The following RGMA variants were observed in gnomAD, a reference collection of about 807,000 sequenced individuals.
RGMA encodes repulsive guidance molecule A.
RGMA carries 10 observed loss-of-function variants against 23.2 expected under a neutral mutation model. That is an observed-to-expected ratio of 0.43 (90% CI 0.27 to 0.73). The LOEUF is 0.73. Ranked by LOEUF, RGMA falls within the 30% of genes least tolerant of loss-of-function variation. The pLI, the probability that RGMA is intolerant of heterozygous loss-of-function variation, is 0.20. For synonymous variants in RGMA, 308 were observed against 279.3 expected (o/e 1.10, Z -1.03); for missense variants, 547 against 630.5 (o/e 0.87, Z 1.42).
intron 1 of RGMA, among the ~76,000 whole-genome samples, chr15:93,088,041 T>C (rs1895668469): frequency 6.6e-6 from 1 of 152,094 alleles, no homozygotes; most frequent in Non-Finnish European, 1.5e-5. Context: ...CTACTTCCCC[T>C]ACTCCGCCCG....
At chr15:93,048,562 C>G (rs1006746677) in intron 3 of RGMA, among the ~76,000 whole-genome samples, 8 of 152,154 alleles carry the variant, frequency 5.3e-5, no homozygotes, top group African/African-American at 1.9e-4. Context: ...GGGTCCCAGC[C>G]TGGCCGCAGG....
intron 1 of RGMA, among the ~76,000 whole-genome samples, chr15:93,079,588 G>A (rs1055989675): frequency 2.0e-5 from 3 of 152,210 alleles, no homozygotes; most frequent in African/African-American, 7.2e-5. Flanking sequence ...GGGAGGCCGA[G>A]GCGGGCCGAT....
In RGMA at chr15:93,072,941, G is replaced by A. The variant is rs1895380262; in HGVS notation, c.105C>T (p.Ala35=). 1.9e-6 allele frequency: 3 copies of A among 1,608,952 alleles called. No individual in the cohort carries two copies. The highest frequency in any genetic ancestry group is 1.1e-5 in the South Asian group (1 of 89,780). The change falls in exon 2 of 4, where the codon GCC becomes GCT. Residue 35 remains alanine, a synonymous_variant. Transcript: ENST00000329082. ...RSALGFWPTL[A]FLLCSFPAAT... is the part of the protein sequence containing the mutation. ...CTGCGGGGAAGCTGCAGAGAAGGAA[G>A]GCGAGGGTCGGCCAGAATCCCAGGG...
chr15:93,081,336 G>A (rs1281217282), intron 1 of RGMA, among the ~76,000 whole-genome samples: 1 of 152,148 alleles, frequency 6.6e-6, no homozygotes, highest in Non-Finnish European at 1.5e-5. Flanking sequence ...CAGTCCCCAA[G>A]TTAAAATGTG....
At chr15:93,052,536 G>A (rs778250505) in intron 2 of RGMA, 29 bp from the exon 3 acceptor site, 21 of 1,529,922 alleles carry the variant, frequency 1.4e-5, no homozygotes, top group African/African-American at 5.4e-5. Flanking sequence ...ACACACCGTC[G>A]GGGTGCAGCC....
At position 93,044,647 on chromosome 15, in the gene RGMA, G is replaced by A; in HGVS notation, c.*351C>T. ...AGTCGGCCGGGCCTTTCAGTGCATT[G>A]CGAGGGGGAAGGAGCTGACTCTGAC... On this transcript the variant is annotated 3_prime_UTR_variant, in exon 4 of 4. Coordinates refer to ENST00000329082, the MANE Select transcript of RGMA (RefSeq NM_020211.3). The A allele has an allele frequency of 8.8e-6, 3 of 340,828 alleles. No individual in the cohort carries two copies. In the South Asian group the frequency reaches 1.3e-4, roughly 14 times the overall value. The allele number at this position is 340,828 out of a possible 1,614,324, so 21.1% of individuals were successfully genotyped here.
chr15:93,047,165 G>A (rs1325382287), intron 3 of RGMA, among the ~76,000 whole-genome samples: 1 of 152,050 alleles, frequency 6.6e-6, no homozygotes, highest in Non-Finnish European at 1.5e-5. Flanking sequence ...GGAGGCCTGA[G>A]AGGAGGAGGG....
intron 1 of RGMA, among the ~76,000 whole-genome samples, chr15:93,080,490 C>T (rs925298704): frequency 6.6e-6 from 1 of 152,216 alleles, no homozygotes; most frequent in South Asian, 2.1e-4. Context: ...GTTTGGGCAG[C>T]TCTGGGTGAC....
chr15:93,065,951 A>AG (rs1895131507), intron 2 of RGMA: 1 of 834,538 alleles, frequency 1.2e-6, no homozygotes, highest in African/African-American at 1.7e-5. Flanking sequence ...CGGTAGAAGA[A>AG]GGGTGGGGGG....
chr15:93,085,874 C>T (rs893718241), intron 1 of RGMA, among the ~76,000 whole-genome samples: 1 of 152,190 alleles, frequency 6.6e-6, no homozygotes, highest in African/African-American at 2.4e-5. Flanking sequence ...CAATAGAGTT[C>T]ATTTGTTCAT....
At chr15:93,058,286 T>C (rs1007278142) in intron 2 of RGMA, among the ~76,000 whole-genome samples, 1 of 152,096 alleles carries the variant, frequency 6.6e-6, no homozygotes, top group Non-Finnish European at 1.5e-5. Flanking sequence ...CTTACTGTGG[T>C]GGGGCAGAGC....
intron 1 of RGMA, chr15:93,073,698 G>A: frequency 6.5e-7 from 1 of 1,537,248 alleles, no homozygotes; most frequent in South Asian, 1.2e-5. Context: ...ATGGCTCTCT[G>A]CATCTCAGCT....
In RGMA at chr15:93,072,707, C is replaced by G. The variant is rs187707900; in HGVS notation, c.130+209G>C. Among the ~76,000 whole-genome samples, 8 of 152,306 alleles carry G rather than the reference C, an allele frequency of 5.3e-5. No homozygotes were observed. In the South Asian group the frequency reaches 1.4e-3, roughly 28 times the overall value. On this transcript the variant is annotated intron_variant, in intron 2 of 3. Coordinates refer to ENST00000329082, the MANE Select transcript of RGMA (RefSeq NM_020211.3). Reference sequence around the variant, plus strand: ...CCCACACGGCTCCATCTCACGGCAACTCGGGCAGGGTGCCCCTCTCCGGGT... The same window carrying G: ...CCCACACGGCTCCATCTCACGGCAAGTCGGGCAGGGTGCCCCTCTCCGGGT...
intron 2 of RGMA, among the ~76,000 whole-genome samples, chr15:93,063,767 G>A (rs947987790): frequency 6.6e-6 from 1 of 152,118 alleles, no homozygotes; most frequent in East Asian, 1.9e-4. Flanking sequence ...AAATTTTCTA[G>A]GAGGTTTTCT....
chr15:93,062,370 T>C (rs2293598), intron 2 of RGMA, among the ~76,000 whole-genome samples: 97,072 of 152,110 alleles, frequency 0.64, 31,228 homozygotes, highest in East Asian at 0.85. Flanking sequence ...GGTTTAAGAA[T>C]GGAAGTACGA....
intron 2 of RGMA, 51 bp from the exon 3 acceptor site, chr15:93,052,558 G>A (rs914209850): frequency 1.2e-5 from 18 of 1,494,642 alleles, no homozygotes; most frequent in Non-Finnish European, 1.5e-5. Flanking sequence ...GGCAACCCCA[G>A]CTTCTGCTAC....
chr15:93,042,577 C>T lies in RGMA; in HGVS notation c.*2421G>A, dbSNP rs1164337521. 6.6e-6 allele frequency: 1 copy of T among 152,462 alleles called. No individual in the cohort carries two copies. Among genetic ancestry groups the T allele is most frequent in the South Asian group, 2.1e-4 (1 of 4,840 alleles). 9.4% of individuals were successfully genotyped at this position (152,462 alleles called of 1,614,324 possible). A position where few individuals can be genotyped will look rare whatever the true frequency, so the allele number is the denominator to read the frequency against. On this transcript the variant is annotated 3_prime_UTR_variant, in exon 4 of 4. Coordinates refer to ENST00000329082, the MANE Select transcript of RGMA (RefSeq NM_020211.3). ...AGGCTGGCTTAACTGTGCTGCTATT[C>T]TGCCTCATGGCATTTAGTTTGAAGA...
At chr15:93,057,553 G>C (rs1223405097) in intron 2 of RGMA, among the ~76,000 whole-genome samples, 1 of 152,144 alleles carries the variant, frequency 6.6e-6, no homozygotes, top group East Asian at 1.9e-4. Context: ...AGAACGCTGA[G>C]AAAATAAACG....
chr15:93,070,211 C>T (rs1198149099), intron 2 of RGMA, among the ~76,000 whole-genome samples: 4 of 152,186 alleles, frequency 2.6e-5, no homozygotes, highest in Non-Finnish European at 4.4e-5. Context: ...TGCAAACACT[C>T]GAAACACACA....
Sources: gnomAD v4.1 joint callset for allele counts (sites outside exome capture counted in the v4.1 genomes callset) on GRCh38, gnomAD v4.1.1 for gene constraint, MANE v1.5 for transcripts, NCBI Gene and HGNC (gene_info 2026-07-23, HGNC 2026-07-21) for gene names.